The following PPM1E variants were observed in gnomAD, a reference collection of about 807,000 sequenced individuals.
PPM1E encodes the protein protein phosphatase, Mg2+/Mn2+ dependent 1E.
A neutral mutation model predicts 65.9 loss-of-function variants in PPM1E; 20 were observed. The ratio of observed to expected loss-of-function variants is 0.30; its 90% confidence interval spans 0.21 to 0.44. PPM1E has a LOEUF of 0.44. Ranked by LOEUF, PPM1E falls within the 20% of genes least tolerant of loss-of-function variation. PPM1E has a pLI of 1.00. For missense variants in PPM1E, 713 were observed against 953.1 expected (o/e 0.75, Z 3.32); for synonymous variants, 352 against 374.9 (o/e 0.94, Z 0.70).
chr17:58,877,979 T>TA (rs555008507), intron 1 of PPM1E, among the ~76,000 whole-genome samples: 156 of 135,458 alleles, frequency 1.2e-3, no homozygotes, highest in Admixed American at 2.6e-3. Flanking sequence ...CTTTAAAAAG[T>TA]AAAAAAAAAA....
intron 1 of PPM1E, among the ~76,000 whole-genome samples, chr17:58,791,959 G>T (rs2144250913): frequency 6.6e-6 from 1 of 152,038 alleles, no homozygotes; most frequent in East Asian, 1.9e-4. Flanking sequence ...TCTCCTCTAA[G>T]GTTGCACCTA....
intron 1 of PPM1E, among the ~76,000 whole-genome samples, chr17:58,796,284 A>G (rs114273680): frequency 0.011 from 1,709 of 152,220 alleles, 36 homozygotes; most frequent in African/African-American, 0.039. Flanking sequence ...GCCTCCCATG[A>G]TCCTCCCTCC....
chr17:58,851,260 G>A lies in PPM1E; in HGVS notation c.464+94799G>A, dbSNP rs191016812. 2.2e-4 allele frequency among the ~76,000 whole-genome samples: 34 copies of A among 152,168 alleles called. 1 individual carries two copies. In the East Asian group the frequency reaches 4.4e-3, roughly 20 times the overall value. ...TCGGAGAAGTTTGTTATTACCGATC[G>A]TCTGAAGCCTTCTCTCAACTCATCA... On this transcript the variant is annotated intron_variant, in intron 1 of 6. Transcript: ENST00000308249.
At chr17:58,802,481 GTTC>G (rs2050268083) in intron 1 of PPM1E, among the ~76,000 whole-genome samples, 1 of 152,044 alleles carries the variant, frequency 6.6e-6, no homozygotes, top group African/African-American at 2.4e-5. Context: ...CTCCAGCTTT[GTTC>G]TTCTTTCTCT....
intron 1 of PPM1E, among the ~76,000 whole-genome samples, chr17:58,884,509 T>C (rs991704271): frequency 6.6e-6 from 1 of 152,224 alleles, no homozygotes; most frequent in Non-Finnish European, 1.5e-5. Context: ...TTATGTATTT[T>C]AAAATTTGCC....
intron 1 of PPM1E, among the ~76,000 whole-genome samples, chr17:58,910,186 GT>G (rs1334984403): frequency 1.3e-5 from 2 of 151,738 alleles, no homozygotes; most frequent in Middle Eastern, 3.4e-3. Context: ...ATTCTGTTCT[GT>G]TTTTTTCAGT....
intron 1 of PPM1E, among the ~76,000 whole-genome samples, chr17:58,803,531 A>G (rs2050278311): frequency 6.6e-6 from 1 of 152,180 alleles, no homozygotes; most frequent in Admixed American, 6.5e-5. Flanking sequence ...TATTGGCACT[A>G]CTAACATTTC....
chr17:58,942,765 G>GTA (rs1189832450), intron 1 of PPM1E, among the ~76,000 whole-genome samples: 1 of 151,736 alleles, frequency 6.6e-6, no homozygotes, highest in African/African-American at 2.4e-5. Context: ...CATGGCACAT[G>GTA]TATACATATG....
At chr17:58,803,318 G>A (rs2050276063) in intron 1 of PPM1E, among the ~76,000 whole-genome samples, 1 of 151,970 alleles carries the variant, frequency 6.6e-6, no homozygotes. Context: ...TATTTTTCCT[G>A]CATCTCTTGA....
At chr17:58,871,827 AAAAAGAAG>A (rs1000560256) in intron 1 of PPM1E, among the ~76,000 whole-genome samples, 4 of 151,540 alleles carry the variant, frequency 2.6e-5, no homozygotes, top group African/African-American at 9.7e-5. Flanking sequence ...AAAAAAAAAA[AAAAAGAAG>A]AAGAAGAAGA....
chr17:58,802,346 G>T (rs996140763), intron 1 of PPM1E, among the ~76,000 whole-genome samples: 1 of 152,124 alleles, frequency 6.6e-6, no homozygotes, highest in Non-Finnish European at 1.5e-5. Flanking sequence ...GACCATATAG[G>T]TTTGGGTTTC....
At chr17:58,865,202 C>T (rs1442296132) in intron 1 of PPM1E, among the ~76,000 whole-genome samples, 5 of 151,140 alleles carry the variant, frequency 3.3e-5, no homozygotes, top group East Asian at 2.0e-4. Context: ...TCCTGGCCAA[C>T]GTGGTGAAAC....
At chr17:58,963,590 T>G (rs2030115229) in intron 2 of PPM1E, among the ~76,000 whole-genome samples, 1 of 151,660 alleles carries the variant, frequency 6.6e-6, no homozygotes. Context: ...GCGCCTGTAG[T>G]CCCAGCTACT....
intron 1 of PPM1E, among the ~76,000 whole-genome samples, chr17:58,845,900 C>T (rs535546043): frequency 9.2e-5 from 14 of 152,258 alleles, no homozygotes; most frequent in African/African-American, 3.4e-4. Context: ...AGCCTGGTCT[C>T]GAACTCCTGA....
intron 1 of PPM1E, among the ~76,000 whole-genome samples, chr17:58,807,548 AT>A (rs1874472448): frequency 6.6e-6 from 1 of 152,210 alleles, no homozygotes. Flanking sequence ...ACACCATTGA[AT>A]TATATACTTT....
At chr17:58,919,654 G>A (rs1192313831) in intron 1 of PPM1E, among the ~76,000 whole-genome samples, 6 of 152,158 alleles carry the variant, frequency 3.9e-5, no homozygotes, top group Middle Eastern at 3.4e-3. Flanking sequence ...GGGCGTGGTG[G>A]TGCATGCCTG....
intron 1 of PPM1E, among the ~76,000 whole-genome samples, chr17:58,788,032 G>A (rs2050119482): frequency 6.6e-6 from 1 of 151,830 alleles, no homozygotes; most frequent in South Asian, 2.1e-4. Flanking sequence ...CAGTCTTTCA[G>A]CACATCAAAC....
At chr17:58,921,662 C>T (rs1303053844) in intron 1 of PPM1E, among the ~76,000 whole-genome samples, 5 of 141,374 alleles carry the variant, frequency 3.5e-5, no homozygotes, top group Admixed American at 7.1e-5. Flanking sequence ...GAGACTCTAT[C>T]TCAAAAAAAA....
At position 58,982,606 on chromosome 17, in the gene PPM1E, T is replaced by C. The variant is rs1210240295; in HGVS notation, c.*1575T>C. The C allele has an allele frequency of 1.7e-5, 6 of 352,726 alleles. No homozygotes were observed. Among genetic ancestry groups the C allele is most frequent in the African/African-American group, 1.3e-4 (6 of 47,616 alleles). 21.8% of individuals were successfully genotyped at this position (352,726 alleles called of 1,614,324 possible). The stretch of plus-strand genomic sequence containing the variant: ...GACTGGCATATTTTGGATACCAGTA[T>C]AGCTATATCAAATAGACAAAAACAG... On this transcript the variant is annotated 3_prime_UTR_variant, in exon 7 of 7. Transcript: ENST00000308249.
Sources: gnomAD v4.1 joint callset for allele counts (sites outside exome capture counted in the v4.1 genomes callset) on GRCh38, gnomAD v4.1.1 for gene constraint, MANE v1.5 for transcripts, NCBI Gene and HGNC (gene_info 2026-07-23, HGNC 2026-07-21) for gene names.